Variants in DNAH17 observed in about 807,000 individuals in gnomAD.
DNAH17 encodes axonemal beta dynein heavy chain 17.
In DNAH17, 376 loss-of-function variants were observed where a neutral mutation model predicts 485.6. That is an observed-to-expected ratio of 0.77 (90% CI 0.71 to 0.84). The LOEUF is 0.84. Among genes scored for constraint, DNAH17 ranks in the 40% least tolerant of loss-of-function variants. The probability of loss-of-function intolerance (pLI) is 0.00; values close to 1 mark genes in which losing one functional copy is unlikely to be tolerated. For missense variants in DNAH17, 6,370 were observed against 5,839.3 expected (o/e 1.09, Z -2.96); for synonymous variants, 3,031 against 2,405.9 (o/e 1.26, Z -7.60).
Position 78,451,463 on chromosome 17 carries a change from C to T in DNAH17, c.10734+6G>A. The T allele has an allele frequency of 6.2e-7, 1 of 1,604,318 alleles. No individual in the cohort carries two copies. Among genetic ancestry groups the T allele is most frequent in the Non-Finnish European group, 8.5e-7 (1 of 1,175,470 alleles). On this transcript the variant is annotated splice_donor_region_variant and intron_variant, in intron 66 of 80. Coordinates refer to ENST00000389840, the MANE Select transcript of DNAH17 (RefSeq NM_173628.4). ...CCTCCCGTGTGACCAAACTTCAGGC[C>T]ATTACCTTCAGCTGTTCCAGATCTG...
rs115493059 is a variant in DNAH17, at chr17:78,526,401, G to C, written c.3711+250C>G. The stretch of plus-strand genomic sequence containing the variant: ...GCCTGAGCCGTGGGCCTGGAGCCAT[G>C]CTCTGAGCTGCGAGACACAGAGGGG... On this transcript the variant is annotated intron_variant, in intron 24 of 80. Transcript: ENST00000389840. Among the ~76,000 whole-genome samples the C allele has an allele frequency of 5.3e-3, 809 of 152,274 alleles. 6 individuals carry two copies. Among genetic ancestry groups the C allele is most frequent in the African/African-American group, 0.019 (781 of 41,542 alleles).
intron 70 of DNAH17, 97 bp downstream of exon 70, chr17:78,445,461 A>G: frequency 6.8e-7 from 1 of 1,464,658 alleles, no homozygotes; most frequent in Non-Finnish European, 9.1e-7. Flanking sequence ...TGGGCCACAG[A>G]GCCTGGTATT....
chr17:78,498,568 CCGCTGCA>C (rs1277684362), intron 37 of DNAH17, among the ~76,000 whole-genome samples: 1 of 152,226 alleles, frequency 6.6e-6, no homozygotes, highest in African/African-American at 2.4e-5. Context: ...CCCAGCCACT[CCGCTGCA>C]CGCTCTGTGC....
At position 78,571,290 on chromosome 17, in the gene DNAH17, T is replaced by G. The variant is rs76509479; in HGVS notation, c.821A>C (p.Asn274Thr). ...GGTCACAGGCTCACCTTCAGTGACGTTGGTGTAAACGTTTTGCAGGGCTGG... is the reference window on the plus strand; with the variant it reads ...GGTCACAGGCTCACCTTCAGTGACGGTGGTGTAAACGTTTTGCAGGGCTGG... ...YWPALQNVYT[N>T]VTEGLKEAND... The change falls in exon 5 of 81, where the codon AAC becomes ACC. Residue 274 changes from asparagine (N) to threonine (T), a missense_variant. Transcript: ENST00000389840. 1.4e-5 allele frequency: 22 copies of G among 1,613,126 alleles called. No homozygotes were observed. In the South Asian group the frequency reaches 2.2e-4, roughly 16 times the overall value.
chr17:78,537,484 G>C lies in DNAH17; in HGVS notation c.2677-3C>G, dbSNP rs747138547. The C allele has an allele frequency of 6.2e-7, 1 of 1,612,886 alleles. No homozygotes were observed. The highest frequency in any genetic ancestry group is 8.5e-7 in the Non-Finnish European group (1 of 1,179,678). On this transcript the variant is annotated splice_polypyrimidine_tract_variant and splice_region_variant and intron_variant, in intron 18 of 80. Coordinates refer to ENST00000389840, the MANE Select transcript of DNAH17 (RefSeq NM_173628.4). ...TCAAACAGGGGAGCGATACTCTCCT[G>C]AAAGAGGGGTGGGGTTGGCAGTGGT...
At chr17:78,495,240 GGCTCCCAGCCCGCCT>G (rs2090026764) in intron 38 of DNAH17, 143 bp from the exon 39 acceptor site, 1 of 1,117,964 alleles carries the variant, frequency 8.9e-7, no homozygotes, top group East Asian at 2.6e-5. Context: ...CCTGGAGCCG[GGCTCCCAGCCCGCCT>G]GCTCCCTACT....
chr17:78,494,066 G>C lies in DNAH17; in HGVS notation c.6378C>G (p.Ile2126Met). 1 of 1,612,844 alleles carries C rather than the reference G, an allele frequency of 6.2e-7. No homozygotes were observed. The highest frequency in any genetic ancestry group is 8.5e-7 in the Non-Finnish European group (1 of 1,179,746). The change falls in exon 41 of 81, where the codon ATC becomes ATG. Residue 2126 changes from isoleucine to methionine, a missense_variant. By Grantham distance (10) the Ile-to-Met change is conservative (BLOSUM62 1). Transcript: ENST00000389840. ...ELLQVRHSVF[I>M]VGNAGSGKSQ... ...ATTTGCCGCTGCCCGCATTCCCGAC[G>C]ATGAACACGGAGTGGCGGACCTGCA... is the stretch of plus-strand genomic sequence containing the variant.
chr17:78,548,814 T>C (rs2091836048), intron 16 of DNAH17, among the ~76,000 whole-genome samples: 1 of 152,256 alleles, frequency 6.6e-6, no homozygotes, highest in African/African-American at 2.4e-5. Context: ...CTGTCATGTC[T>C]GTTTTTGCTA....
Position 78,570,334 on chromosome 17 carries a change from G to A in DNAH17, c.957C>T (p.Cys319=). The change falls in exon 7 of 81, where the codon TGC becomes TGT. Residue 319 remains cysteine (C), a synonymous_variant. Transcript: ENST00000389840. ...TFIAKVLDTI[C]FIWATSEYYN... ...AGTACTCAGAGGTGGCCCAGATGAA[G>A]CAGATGGTGTCCAGCACCTTGGCAA... The A allele has an allele frequency of 1.2e-6, 2 of 1,609,790 alleles. No homozygotes were observed. The highest frequency in any genetic ancestry group is 1.1e-5 in the South Asian group (1 of 89,862).
intron 65 of DNAH17, among the ~76,000 whole-genome samples, chr17:78,452,717 GAC>G (rs1020935298): frequency 1.3e-5 from 2 of 152,212 alleles, no homozygotes; most frequent in Non-Finnish European, 2.9e-5. Context: ...CAGCCTGGAC[GAC>G]AGAGCGAGAC....
At chr17:78,511,874 C>T (rs2090644462) in intron 26 of DNAH17, among the ~76,000 whole-genome samples, 1 of 152,258 alleles carries the variant, frequency 6.6e-6, no homozygotes, top group Admixed American at 6.5e-5. Context: ...GCACATGAAC[C>T]TGTTACCAGG....
chr17:78,556,587 G>A (rs961613686), intron 14 of DNAH17, among the ~76,000 whole-genome samples: 18 of 152,106 alleles, frequency 1.2e-4, no homozygotes, highest in African/African-American at 3.9e-4. Flanking sequence ...ACAAATGGTC[G>A]CCTTTCCCAG....
chr17:78,512,863 C>T (rs1395171508), intron 26 of DNAH17, among the ~76,000 whole-genome samples: 2 of 147,790 alleles, frequency 1.4e-5, no homozygotes, highest in African/African-American at 5.0e-5. Context: ...ATCACTTGAA[C>T]CTGGGAGGTG....
intron 75 of DNAH17, among the ~76,000 whole-genome samples, chr17:78,433,185 G>A (rs181524380): frequency 6.6e-6 from 1 of 152,320 alleles, no homozygotes; most frequent in East Asian, 1.9e-4. Context: ...GGGGCTCCTG[G>A]GCCTGTGCCA....
intron 56 of DNAH17, among the ~76,000 whole-genome samples, chr17:78,463,888 G>A (rs1344070014): frequency 6.6e-6 from 1 of 152,168 alleles, no homozygotes; most frequent in African/African-American, 2.4e-5. Context: ...TATAGTGCTG[G>A]TGGTGGGGCC....
chr17:78,560,406 A>C (rs1220438819), intron 13 of DNAH17, among the ~76,000 whole-genome samples: 1 of 152,166 alleles, frequency 6.6e-6, no homozygotes, highest in East Asian at 1.9e-4. Context: ...CCCAGAGCCC[A>C]CAAGTGTGAA....
intron 18 of DNAH17, 37 bp from the exon 19 acceptor site, chr17:78,537,518 C>G (rs1243736258): frequency 1.9e-6 from 3 of 1,605,358 alleles, no homozygotes; most frequent in Non-Finnish European, 2.6e-6. Context: ...GTCAACACCT[C>G]TGTCCTCCAT....
chr17:78,518,460 C>G (rs1002522088), intron 25 of DNAH17, among the ~76,000 whole-genome samples: 8 of 152,176 alleles, frequency 5.3e-5, no homozygotes, highest in African/African-American at 1.9e-4. Flanking sequence ...AATCCCAAAT[C>G]TGTACACACC....
rs576111610 is a variant in DNAH17, at chr17:78,491,350, G to A, written c.6669+93C>T. The A allele has an allele frequency of 3.3e-6, 5 of 1,501,926 alleles. No individual in the cohort carries two copies. In the South Asian group the frequency reaches 3.9e-5, roughly 12 times the overall value. The allele number at this position is 1,501,926 out of a possible 1,614,324, so 93.0% of individuals were successfully genotyped here. On this transcript the variant is annotated intron_variant, in intron 43 of 80. Transcript: ENST00000389840. ...ACGCCACCTGCGCCAAGCCTGGCATGCAGGGCCTGAGTGCTCCGTAGGCGC... is the reference window on the plus strand; with the variant it reads ...ACGCCACCTGCGCCAAGCCTGGCATACAGGGCCTGAGTGCTCCGTAGGCGC...
Sources: gnomAD v4.1 joint callset for allele counts (sites outside exome capture counted in the v4.1 genomes callset) on GRCh38, gnomAD v4.1.1 for gene constraint, MANE v1.5 for transcripts, NCBI Gene and HGNC (gene_info 2026-07-23, HGNC 2026-07-21) for gene names.